SCAI: variants seen among roughly 807,000 people sequenced by gnomAD.
The protein encoded by SCAI is suppressor of cancer cell invasion, also known as protein SCAI.
Under a neutral mutation model 92.2 loss-of-function variants are expected in SCAI, and 24 were observed. The ratio of observed to expected loss-of-function variants is 0.26; its 90% CI spans 0.19 to 0.37. The LOEUF is 0.37. Among genes scored for constraint, SCAI ranks in the 10% least tolerant of loss-of-function variants. The pLI is 1.00. For missense variants in SCAI, 450 were observed against 736.2 expected (o/e 0.61, Z 4.50); for synonymous variants, 261 against 258.6 (o/e 1.01, Z -0.09).
chr9:125,135,548 G>A (rs1049644052), intron 2 of SCAI, among the ~76,000 whole-genome samples: 3 of 152,204 alleles, frequency 2.0e-5, no homozygotes, highest in Admixed American at 6.5e-5. Flanking sequence ...AGGTATTCAG[G>A]AGGCAGAGGC....
Position 125,003,191 on chromosome 9 carries a change from G to A in SCAI, c.988C>T (p.Arg330Ter), listed in dbSNP as rs1287911753. 6 of 1,613,486 alleles carry A rather than the reference G, an allele frequency of 3.7e-6. No homozygotes were observed. Among genetic ancestry groups the A allele is most frequent in the African/African-American group, 1.3e-5 (1 of 75,020 alleles). ...MQESADKPTR[R>*]ENPHKYLLYK... is the part of the protein sequence containing the mutation. ...AGCAGATACTTGTGGGGGTTTTCTC[G>A]TCTAGTAGGCTTGTCAGCTGATTCC... Residue 330 changes from arginine to a stop codon, truncating the protein, a stop_gained, in exon 11 of 18, where the codon CGA becomes TGA. Transcript: ENST00000336505. LOFTEE classifies it high-confidence loss of function.
Position 124,994,942 on chromosome 9 carries a change from C to A in SCAI, c.1318G>T (p.Ala440Ser), listed in dbSNP as rs1231268835. ...GCTCTCATGGAACTCACCTTATACG[C>A]AACACTATTAGACGAATCCACAATG... ...FIIVDSSNSVAYKNFTNLFGQ... is the reference protein window; with the variant it reads ...FIIVDSSNSVSYKNFTNLFGQ... Residue 440 changes from alanine to serine, a missense_variant, in exon 14 of 18, where the codon GCG becomes TCG. Coordinates refer to ENST00000336505, the MANE Select transcript of SCAI (RefSeq NM_001144877.3). 5 of 1,611,712 alleles carry A rather than the reference C, an allele frequency of 3.1e-6. No homozygotes were observed. The highest frequency in any genetic ancestry group is 1.3e-5 in the African/African-American group (1 of 74,984).
chr9:125,037,305 G>T (rs928561986), intron 3 of SCAI, among the ~76,000 whole-genome samples: 1 of 151,018 alleles, frequency 6.6e-6, no homozygotes, highest in Non-Finnish European at 1.5e-5. Context: ...GGCCTGGTAG[G>T]ACTACATGCC....
At chr9:125,108,761 G>A (rs1238841245) in intron 2 of SCAI, among the ~76,000 whole-genome samples, 8 of 146,670 alleles carry the variant, frequency 5.5e-5, no homozygotes, top group South Asian at 2.2e-4. Context: ...CCCGGCAGCC[G>A]CCCCGTCCGG....
At chr9:124,995,739 C>T (rs1832225479) in intron 13 of SCAI, among the ~76,000 whole-genome samples, 2 of 152,194 alleles carry the variant, frequency 1.3e-5, no homozygotes, top group South Asian at 4.2e-4. Context: ...AATCTGCCCA[C>T]CTCAGCTTCC....
At chr9:125,105,027 G>A (rs1326169915) in intron 2 of SCAI, among the ~76,000 whole-genome samples, 1 of 151,802 alleles carries the variant, frequency 6.6e-6, no homozygotes, top group Non-Finnish European at 1.5e-5. Context: ...CTTCAAAGGG[G>A]CTTGACAGTT....
intron 3 of SCAI, among the ~76,000 whole-genome samples, chr9:125,051,526 A>G (rs980783045): frequency 2.3e-4 from 35 of 152,348 alleles, no homozygotes; most frequent in African/African-American, 8.2e-4. Flanking sequence ...CAAAGAGCAG[A>G]TTTAAAATGT....
intron 9 of SCAI, among the ~76,000 whole-genome samples, chr9:125,006,701 A>C (rs1399125423): frequency 1.3e-5 from 2 of 151,884 alleles, no homozygotes; most frequent in African/African-American, 4.8e-5. Flanking sequence ...CATATTGGTC[A>C]GGCTGGTATT....
At chr9:125,084,321 C>G (rs1834283754) in intron 2 of SCAI, among the ~76,000 whole-genome samples, 1 of 151,900 alleles carries the variant, frequency 6.6e-6, no homozygotes, top group Non-Finnish European at 1.5e-5. Context: ...CAGGTGCCCA[C>G]CACCACGCCC....
intron 2 of SCAI, among the ~76,000 whole-genome samples, chr9:125,068,749 G>T (rs1481654302): frequency 6.6e-6 from 1 of 152,050 alleles, no homozygotes; most frequent in African/African-American, 2.4e-5. Context: ...ATAAAAATAA[G>T]ATTTCAGCTG....
At position 125,126,772 on chromosome 9, in the gene SCAI, T is replaced by G. The variant is rs577817936; in HGVS notation, c.98+15861A>C. On this transcript the variant is annotated intron_variant, in intron 2 of 17. Coordinates refer to ENST00000336505, the MANE Select transcript of SCAI (RefSeq NM_001144877.3). ...TTAAAGAAGGGAAAATCAAATCATT[T>G]TTGGATAGATCATTAAGTCCCACTA... Among the ~76,000 whole-genome samples, 206 of 152,294 alleles carry G rather than the reference T, an allele frequency of 1.4e-3. 2 individuals carry two copies. The highest frequency in any genetic ancestry group is 1.8e-3 in the Non-Finnish European group (125 of 68,022).
intron 15 of SCAI, among the ~76,000 whole-genome samples, chr9:124,974,985 A>C (rs1392124681): frequency 6.6e-6 from 1 of 152,202 alleles, no homozygotes; most frequent in Non-Finnish European, 1.5e-5. Context: ...CAGACCGAAT[A>C]ATCTTGGTAT....
Position 125,003,614 on chromosome 9 carries a change from C to T in SCAI, c.862-44G>A, listed in dbSNP as rs560495506. On this transcript the variant is annotated intron_variant, in intron 9 of 17. Coordinates refer to ENST00000336505, the MANE Select transcript of SCAI (RefSeq NM_001144877.3). Reference sequence around the variant, plus strand: ...CAAACACAACCTAGCCTTAATGCAACACGCAGACTTTAAAGACTTTTATCA... The same window carrying T: ...CAAACACAACCTAGCCTTAATGCAATACGCAGACTTTAAAGACTTTTATCA... 6 of 1,219,092 alleles carry T rather than the reference C, an allele frequency of 4.9e-6. No homozygotes were observed. The African/African-American group carries it at 7.5e-5, about 15-fold the overall frequency. The allele number at this position is 1,219,092 out of a possible 1,614,324, so 75.5% of individuals were successfully genotyped here.
At chr9:125,031,451 CA>C (rs1833072960) in intron 3 of SCAI, among the ~76,000 whole-genome samples, 1 of 150,828 alleles carries the variant, frequency 6.6e-6, no homozygotes, top group Non-Finnish European at 1.5e-5. Flanking sequence ...TTAGTAGAGA[CA>C]GGGTTTCACT....
In SCAI at chr9:124,991,984, G is replaced by A. The variant is rs139882646; in HGVS notation, c.1326+2950C>T. ...CAGGCTGGAATGCAGTGGCACGATC[G>A]CAGCTCATGCATCTTTGAACTCCTG... On this transcript the variant is annotated intron_variant, in intron 14 of 17. Coordinates refer to ENST00000336505, the MANE Select transcript of SCAI (RefSeq NM_001144877.3). Among the ~76,000 whole-genome samples, 354 of 152,114 alleles carry A rather than the reference G, an allele frequency of 2.3e-3. 2 individuals carry two copies. The highest frequency in any genetic ancestry group is 6.2e-3 in the South Asian group (30 of 4,808).
chr9:125,074,374 A>G (rs1208913188), intron 2 of SCAI, among the ~76,000 whole-genome samples: 1 of 150,626 alleles, frequency 6.6e-6, no homozygotes, highest in Non-Finnish European at 1.5e-5. Context: ...CTCCTGCCTC[A>G]GCCTCCTGAG....
intron 2 of SCAI, among the ~76,000 whole-genome samples, chr9:125,076,543 CA>C (rs1005859288): frequency 2.1e-4 from 32 of 150,670 alleles, no homozygotes; most frequent in African/African-American, 7.6e-4. Context: ...CCTGCACTTC[CA>C]AAAAACAAAA....
intron 2 of SCAI, among the ~76,000 whole-genome samples, chr9:125,100,305 G>T (rs1408951047): frequency 1.3e-5 from 2 of 152,198 alleles, no homozygotes; most frequent in Non-Finnish European, 2.9e-5. Flanking sequence ...CTTATTGACT[G>T]TTTATTATGC....
At chr9:125,053,652 G>T (rs766274811) in intron 3 of SCAI, among the ~76,000 whole-genome samples, 19 of 152,150 alleles carry the variant, frequency 1.2e-4, no homozygotes, top group Non-Finnish European at 2.4e-4. Flanking sequence ...GTTGTCAGGG[G>T]TTAGGATTTG....
Sources: gnomAD v4.1 joint callset for allele counts (sites outside exome capture counted in the v4.1 genomes callset) on GRCh38, gnomAD v4.1.1 for gene constraint, MANE v1.5 for transcripts, NCBI Gene and HGNC (gene_info 2026-07-23, HGNC 2026-07-21) for gene names.